PLEKHA6: variants seen among roughly 807,000 people sequenced by gnomAD.
PLEKHA6 encodes pleckstrin homology domain-containing family A member 6.
A neutral mutation model predicts 116.7 loss-of-function variants in PLEKHA6; 60 were observed. That is an observed-to-expected ratio of 0.51 (90% CI 0.42 to 0.64). PLEKHA6 has a LOEUF of 0.64. Among genes scored for constraint, PLEKHA6 ranks in the 30% least tolerant of loss-of-function variants. The probability of loss-of-function intolerance (pLI) is 0.00; values close to 1 mark genes in which losing one functional copy is unlikely to be tolerated. For synonymous variants in PLEKHA6, 489 were observed against 556.1 expected (o/e 0.88, Z 1.70); for missense variants, 1,338 against 1,422.7 (o/e 0.94, Z 0.96).
At chr1:204,243,368 C>G (rs1663132052) in intron 15 of PLEKHA6, 2 of 398,800 alleles carry the variant, frequency 5.0e-6, no homozygotes, top group Admixed American at 4.4e-5. Flanking sequence ...TGCTGGAGAC[C>G]TGGGTGGGCC....
In PLEKHA6 at chr1:204,248,265, TCTC is replaced by T. The variant is rs574711367; in HGVS notation, c.1824+553_1824+555del. Among the ~76,000 whole-genome samples, 21 of 147,294 alleles carry T rather than the reference TCTC, an allele frequency of 1.4e-4. No individual in the cohort carries two copies. In the South Asian group the frequency reaches 4.6e-3, roughly 32 times the overall value. ...CCTCCGCCTCATGGGTTCAAGCAAT[TCTC>T]CTGCCTCAGCCTCCTATCTGGGACT... is the stretch of plus-strand genomic sequence containing the variant. On this transcript the variant is annotated intron_variant, in intron 12 of 22. Transcript: ENST00000272203.
chr1:204,364,678 C>T (rs1276114883), upstream of PLEKHA6, among the ~76,000 whole-genome samples: 1 of 152,136 alleles, frequency 6.6e-6, no homozygotes, highest in Non-Finnish European at 1.5e-5. Context: ...CCTGTGTCTC[C>T]GGACTTTACG....
chr1:204,227,599 T>C (rs1224798828), intron 21 of PLEKHA6, among the ~76,000 whole-genome samples: 1 of 152,202 alleles, frequency 6.6e-6, no homozygotes, highest in East Asian at 1.9e-4. Context: ...AGGTGGTAAT[T>C]GCATCGCTCT....
intron 3 of PLEKHA6, among the ~76,000 whole-genome samples, chr1:204,366,969 G>T (rs1282340635): frequency 6.6e-6 from 1 of 152,220 alleles, no homozygotes; most frequent in African/African-American, 2.4e-5. Context: ...CTCTGGTGGT[G>T]CCATTGCCCC....
intron 1 of PLEKHA6, among the ~76,000 whole-genome samples, chr1:204,310,259 G>T (rs1276316239): frequency 6.6e-6 from 1 of 152,108 alleles, no homozygotes; most frequent in Non-Finnish European, 1.5e-5. Context: ...TTTCTATATT[G>T]TTTGACTACT....
chr1:204,301,200 C>G, intron 1 of PLEKHA6: 1 of 975,076 alleles, frequency 1.0e-6, no homozygotes, highest in Non-Finnish European at 1.2e-6. Flanking sequence ...AGCCACCTCT[C>G]TAGCTCCAGA....
rs1299573223 is a variant in PLEKHA6, at chr1:204,250,570, G to A, written c.1569C>T (p.Tyr523=). The A allele has an allele frequency of 6.2e-7, 1 of 1,612,900 alleles. No homozygotes were observed. Among genetic ancestry groups the A allele is most frequent in the Admixed American group, 1.7e-5 (1 of 60,024 alleles). ...PEVFRDSLHT[Y]KLNEQDTDKL... ...CATCTGTGTCTTGCTCGTTTAACTT[G>A]TAGGTGTGGAGGCTGTCCCGGAACA... is the stretch of plus-strand genomic sequence containing the variant. Residue 523 remains tyrosine, a synonymous_variant, in exon 10 of 23, where the codon TAC becomes TAT. Coordinates refer to ENST00000272203, the MANE Select transcript of PLEKHA6 (RefSeq NM_014935.5).
At chr1:204,323,805 C>T (rs1284392146) in intron 1 of PLEKHA6, among the ~76,000 whole-genome samples, 1 of 152,204 alleles carries the variant, frequency 6.6e-6, no homozygotes, top group Admixed American at 6.5e-5. Context: ...ATTTGATCTT[C>T]ACAACAGCCT....
rs111598665 is a variant in PLEKHA6, at chr1:204,337,716, T to TG, written c.-95+21977dup. Among the ~76,000 whole-genome samples the TG allele has an allele frequency of 9.1e-3, 1,387 of 151,600 alleles. 21 individuals are homozygous for TG. The highest frequency in any genetic ancestry group is 0.031 in the African/African-American group (1,280 of 41,304). ...AGAAAGAAGATGGCGGTCTCTCACT[T>TG]GGGGGGGGAATCCAGGGAAAATGAC... On this transcript the variant is annotated intron_variant, in intron 1 of 22. Transcript: ENST00000272203.
intron 1 of PLEKHA6, among the ~76,000 whole-genome samples, chr1:204,344,388 T>A (rs1165817840): frequency 6.6e-6 from 1 of 152,036 alleles, no homozygotes. Flanking sequence ...TCATTTGAGC[T>A]CAGGAGTTGA....
chr1:204,352,907 C>T (rs539973718), intron 1 of PLEKHA6, among the ~76,000 whole-genome samples: 1 of 152,264 alleles, frequency 6.6e-6, no homozygotes, highest in Admixed American at 6.5e-5. Context: ...ACTGCATGAG[C>T]CTAGGAGGTG....
intron 3 of PLEKHA6, among the ~76,000 whole-genome samples, chr1:204,366,009 C>T (rs1014077732): frequency 6.6e-6 from 1 of 152,038 alleles, no homozygotes; most frequent in Non-Finnish European, 1.5e-5. Flanking sequence ...GAACAGCAAG[C>T]GCCAAGGCTC....
At chr1:204,265,851 C>G (rs757747607) in intron 5 of PLEKHA6, among the ~76,000 whole-genome samples, 33 of 152,224 alleles carry the variant, frequency 2.2e-4, no homozygotes, top group Non-Finnish European at 4.1e-4. Context: ...AACAGTCCAG[C>G]TATTACATAA....
chr1:204,255,394 A>T (rs1665139524), intron 9 of PLEKHA6, among the ~76,000 whole-genome samples: 1 of 152,138 alleles, frequency 6.6e-6, no homozygotes. Flanking sequence ...GGTGGCATTA[A>T]TTATTCATGT....
At chr1:204,264,215 G>A (rs58550751) in intron 6 of PLEKHA6, among the ~76,000 whole-genome samples, 2,794 of 152,244 alleles carry the variant, frequency 0.018, 76 homozygotes, top group African/African-American at 0.062. Flanking sequence ...CATAAAATAC[G>A]AAAGGGCATG....
At chr1:204,323,171 G>A (rs141365258) in intron 1 of PLEKHA6, among the ~76,000 whole-genome samples, 1 of 152,198 alleles carries the variant, frequency 6.6e-6, no homozygotes, top group Admixed American at 6.5e-5. Flanking sequence ...AGTGCCCTCC[G>A]GGAGCTTGCA....
intron 1 of PLEKHA6, among the ~76,000 whole-genome samples, chr1:204,293,887 C>G (rs1670014023): frequency 6.6e-6 from 1 of 152,174 alleles, no homozygotes; most frequent in South Asian, 2.1e-4. Flanking sequence ...GGCTGAGGGA[C>G]TTTCCAGACT....
chr1:204,363,471 G>A (rs1673597418), upstream of PLEKHA6, among the ~76,000 whole-genome samples: 1 of 152,186 alleles, frequency 6.6e-6, no homozygotes, highest in South Asian at 2.1e-4. Context: ...GGCCCAGCTT[G>A]GGAACCGGGT....
At chr1:204,310,924 G>A (rs534757550) in intron 1 of PLEKHA6, among the ~76,000 whole-genome samples, 18 of 152,274 alleles carry the variant, frequency 1.2e-4, no homozygotes, top group South Asian at 2.1e-4. Flanking sequence ...GTGATGATGC[G>A]GGTGTGGGGA....
Sources: allele counts gnomAD v4.1 joint callset (sites outside exome capture counted in the v4.1 genomes callset), GRCh38; gene constraint gnomAD v4.1.1; transcripts MANE v1.5; gene names NCBI Gene and HGNC (gene_info 2026-07-23, HGNC 2026-07-21).